The following WDR33 variants were observed in gnomAD, a reference collection of about 807,000 sequenced individuals.
WDR33 encodes pre-mRNA 3' end processing protein WDR33.
In WDR33, 47 loss-of-function variants were observed where a neutral mutation model predicts 164.9. That is an observed-to-expected ratio of 0.29 (90% CI 0.23 to 0.36). WDR33 has a LOEUF of 0.36. Among genes scored for constraint, WDR33 ranks in the 10% least tolerant of loss-of-function variants. The pLI, the probability that WDR33 is intolerant of heterozygous loss-of-function variation, is 1.00. For missense variants in WDR33, 1,137 were observed against 1,754.1 expected (o/e 0.65, Z 6.28); for synonymous variants, 505 against 589.0 (o/e 0.86, Z 2.06).
rs1206674701 is a variant in WDR33 at position 127,711,764 on chromosome 2, A to ATTTTTT, written c.3308+1818_3308+1819insAAAAAA. Among the ~76,000 whole-genome samples the ATTTTTT allele has an allele frequency of 1.5e-3, 114 of 74,608 alleles. 4 individuals are homozygous for ATTTTTT. Among genetic ancestry groups the ATTTTTT allele is most frequent in the African/African-American group, 0.013 (102 of 8,040 alleles). The allele number at this position is 74,608 out of a possible 152,430, so 48.9% of individuals were successfully genotyped here. ...ACCACATATACAGATATATATATAT[A>ATTTTTT]TATATATATATATATATTTTTTTTT... is the stretch of plus-strand genomic sequence containing the variant. On this transcript the variant is annotated intron_variant, in intron 18 of 21. Transcript: ENST00000322313.
intron 7 of WDR33, among the ~76,000 whole-genome samples, chr2:127,746,060 A>T (rs983074583): frequency 2.7e-5 from 4 of 147,064 alleles, no homozygotes; most frequent in East Asian, 2.0e-4. Flanking sequence ...AAAAAAAAAA[A>T]GGTAAGCAAG....
At chr2:127,798,711 A>G (rs1030222932) in intron 1 of WDR33, among the ~76,000 whole-genome samples, 10 of 152,080 alleles carry the variant, frequency 6.6e-5, no homozygotes, top group African/African-American at 2.4e-4. Context: ...TTAGATTTCA[A>G]AAAAAACAGT....
At chr2:127,807,839 T>C (rs1689493404) in intron 1 of WDR33, among the ~76,000 whole-genome samples, 1 of 152,166 alleles carries the variant, frequency 6.6e-6, no homozygotes, top group Admixed American at 6.6e-5. Flanking sequence ...CAGCAGGGAC[T>C]CATGACTCCC....
At chr2:127,732,841 AT>A (rs763750855) in intron 7 of WDR33, among the ~76,000 whole-genome samples, 8 of 152,228 alleles carry the variant, frequency 5.3e-5, no homozygotes, top group Non-Finnish European at 8.8e-5. Flanking sequence ...ATAGAAAAAA[AT>A]GATTAAGTAC....
rs1439883393 is a variant in WDR33 at position 127,720,876 on chromosome 2, G to T, written c.1672-523C>A. 6.6e-6 allele frequency among the ~76,000 whole-genome samples: 1 copy of T among 152,078 alleles called. No individual in the cohort carries two copies. The highest frequency in any genetic ancestry group is 1.5e-5 in the Non-Finnish European group (1 of 68,008). On this transcript the variant is annotated intron_variant, in intron 15 of 21. Coordinates refer to ENST00000322313, the MANE Select transcript of WDR33 (RefSeq NM_018383.5). The surrounding 1 kb of genome is among the most constrained non-coding windows in gnomAD (Gnocchi z 5.9). ...GCCTGGCCTAGTCAGGATTATTTTTGTCCATCTTGATCAGGGAAAGCCCAA... is the reference window on the plus strand; with the variant it reads ...GCCTGGCCTAGTCAGGATTATTTTTTTCCATCTTGATCAGGGAAAGCCCAA...
chr2:127,750,672 AAAAAAATATATATATAT>A (rs1456010806), intron 7 of WDR33, among the ~76,000 whole-genome samples: 16 of 67,374 alleles, frequency 2.4e-4, no homozygotes, highest in African/African-American at 1.0e-3. Flanking sequence ...AAAAAAAAAA[AAAAAAATATATATATAT>A]ATATATATAT....
Position 127,717,168 on chromosome 2 carries a change from A to G in WDR33, c.2856T>C (p.Pro952=), listed in dbSNP as rs1435643666. ...RIPPLNPGQG[P]GPNKGDSRGP... ...GCAGATATTTACCTTTGTTGGGGCC[A>G]GGTCCTTGTCCGGGGTTCAGAGGGG... The change falls in exon 17 of 22, where the codon CCT becomes CCC. Residue 952 remains proline (P), a synonymous_variant. Transcript: ENST00000322313. This position sits in a 1 kb window ranked among gnomAD's most constrained non-coding sequence, Gnocchi z 5.6. The G allele has an allele frequency of 6.2e-7, 1 of 1,605,346 alleles. No homozygotes were observed. Among genetic ancestry groups the G allele is most frequent in the African/African-American group, 1.3e-5 (1 of 74,796 alleles).
chr2:127,751,005 G>A (rs894287729), intron 7 of WDR33, among the ~76,000 whole-genome samples: 2 of 151,252 alleles, frequency 1.3e-5, no homozygotes, highest in Non-Finnish European at 2.9e-5. Flanking sequence ...AAGACCCTTG[G>A]GAACTTACAT....
chr2:127,807,114 C>T (rs924437210), intron 1 of WDR33, among the ~76,000 whole-genome samples: 11 of 152,290 alleles, frequency 7.2e-5, no homozygotes, highest in African/African-American at 2.4e-4. Context: ...AAGCAATTCT[C>T]TTGCCTCAGC....
Position 127,785,963 on chromosome 2 carries a change from T to A in WDR33, c.-23-14959A>T, listed in dbSNP as rs1688550417. Among the ~76,000 whole-genome samples the A allele has an allele frequency of 3.3e-5, 5 of 152,246 alleles. No homozygotes were observed. In the South Asian group the frequency reaches 6.2e-4, roughly 19 times the overall value. On this transcript the variant is annotated intron_variant, in intron 1 of 21. Coordinates refer to ENST00000322313, the MANE Select transcript of WDR33 (RefSeq NM_018383.5). ...AAGTGAGAGTTCTTGCTGCTCCGTA[T>A]CGTTGACAGCATTTGGTGTGGCAGC... is the stretch of plus-strand genomic sequence containing the variant.
chr2:127,762,635 G>A, intron 7 of WDR33: 1 of 988,750 alleles, frequency 1.0e-6, no homozygotes, highest in South Asian at 4.6e-5. Flanking sequence ...TTCAAAAATA[G>A]TAACACTAAG....
At chr2:127,758,863 TA>T (rs1253125408) in intron 7 of WDR33, among the ~76,000 whole-genome samples, 1 of 152,180 alleles carries the variant, frequency 6.6e-6, no homozygotes, top group Non-Finnish European at 1.5e-5. Context: ...AACATGAGGA[TA>T]GGGGTTATAC....
At position 127,722,526 on chromosome 2, in the gene WDR33, G is replaced by T; in HGVS notation, c.1518+65C>A. Reference sequence around the variant, plus strand: ...CACCTTCAACAGTGAGATAATCCAAGAGAAACCTCAAACTAACCAACCAAA... The same window carrying T: ...CACCTTCAACAGTGAGATAATCCAATAGAAACCTCAAACTAACCAACCAAA... On this transcript the variant is annotated intron_variant, in intron 14 of 21. Transcript: ENST00000322313. The surrounding 1 kb of genome is among the most constrained non-coding windows in gnomAD (Gnocchi z 5.1). The T allele has an allele frequency of 6.3e-7, 1 of 1,575,460 alleles. No individual in the cohort carries two copies. Among genetic ancestry groups the T allele is most frequent in the South Asian group, 1.2e-5 (1 of 83,888 alleles).
In WDR33 at chr2:127,720,078, T is replaced by G. The variant is rs1686399815; in HGVS notation, c.1947A>C (p.Pro649=). Reference sequence around the variant, plus strand: ...GCCCCTGTGGTCCCATGAATCCTTGTGGCCCCCCACCTCCCTGATGCAGTG... The same window carrying G: ...GCCCCTGTGGTCCCATGAATCCTTGGGGCCCCCCACCTCCCTGATGCAGTG... The part of the protein sequence containing the change: ...GPPLHQGGGG[P]QGFMGPQGPQ... Residue 649 remains proline, a synonymous_variant, in exon 16 of 22, where the codon CCA becomes CCC. Coordinates refer to ENST00000322313, the MANE Select transcript of WDR33 (RefSeq NM_018383.5). The surrounding 1 kb of genome is among the most constrained non-coding windows in gnomAD (Gnocchi z 5.9). The G allele has an allele frequency of 1.2e-6, 2 of 1,614,156 alleles. No individual in the cohort carries two copies. Among genetic ancestry groups the G allele is most frequent in the East Asian group, 4.5e-5 (2 of 44,878 alleles).
At chr2:127,786,662 C>G (rs547029169) in intron 1 of WDR33, among the ~76,000 whole-genome samples, 1 of 152,032 alleles carries the variant, frequency 6.6e-6, no homozygotes, top group African/African-American at 2.4e-5. Context: ...CCAGCCTGGG[C>G]AAAACAGCAA....
At chr2:127,781,400 A>G (rs1688364167) in intron 1 of WDR33, among the ~76,000 whole-genome samples, 1 of 152,188 alleles carries the variant, frequency 6.6e-6, no homozygotes, top group Non-Finnish European at 1.5e-5. Context: ...GGTGGCGAAC[A>G]CAGGAACATA....
chr2:127,726,529 G>C lies in WDR33; in HGVS notation c.851+122C>G. The stretch of plus-strand genomic sequence containing the variant: ...ATTCATAAGAAGTCTATAGATCCAA[G>C]TCCATCTGTTGCCTAAATGACTCTT... On this transcript the variant is annotated intron_variant, in intron 8 of 21. Transcript: ENST00000322313. This position sits in a 1 kb window ranked among gnomAD's most constrained non-coding sequence, Gnocchi z 4.8. 2 of 1,299,580 alleles carry C rather than the reference G, an allele frequency of 1.5e-6. No individual in the cohort carries two copies. Among genetic ancestry groups the C allele is most frequent in the Non-Finnish European group, 2.1e-6 (2 of 953,558 alleles). The allele number at this position is 1,299,580 out of a possible 1,614,324, so 80.5% of individuals were successfully genotyped here. A position where few individuals can be genotyped will look rare whatever the true frequency, so the allele number is the denominator to read the frequency against.
intron 1 of WDR33, among the ~76,000 whole-genome samples, chr2:127,788,709 C>A (rs879909632): frequency 0.039 from 4,637 of 117,622 alleles, no homozygotes; most frequent in Middle Eastern, 0.13. Flanking sequence ...CTGACCCCCC[C>A]ACCTCCCTCC....
chr2:127,791,154 T>TCCC (rs1455748728), intron 1 of WDR33, among the ~76,000 whole-genome samples: 2 of 76,832 alleles, frequency 2.6e-5, no homozygotes, highest in African/African-American at 5.4e-5. Context: ...CCAAACTCTT[T>TCCC]CCCCACCCCA....
Sources: allele counts gnomAD v4.1 joint callset (sites outside exome capture counted in the v4.1 genomes callset), GRCh38; gene constraint gnomAD v4.1.1; non-coding constraint Gnocchi (gnomAD v3.1); transcripts MANE v1.5; gene names NCBI Gene and HGNC (gene_info 2026-07-23, HGNC 2026-07-21).